The following SNED1 variants were observed in gnomAD, a reference collection of about 807,000 sequenced individuals.
SNED1 encodes the protein sushi, nidogen and EGF like domains 1.
SNED1 carries 81 observed loss-of-function variants against 166.7 expected under a neutral mutation model. The ratio of observed to expected loss-of-function variants is 0.49; its 90% CI spans 0.41 to 0.58. SNED1 has a LOEUF of 0.58. SNED1 is among the 20% of genes least tolerant of loss of function. The probability of loss-of-function intolerance (pLI) is 0.00; values close to 1 mark genes in which losing one functional copy is unlikely to be tolerated. For missense variants in SNED1, 1,604 were observed against 2,000.2 expected, an observed-to-expected ratio of 0.80 and a Z score of 3.78; for synonymous variants, 762 against 822.0, an observed-to-expected ratio of 0.93 and a Z score of 1.25.
chr2:241,044,390 C>A (rs755291039), intron 8 of SNED1, among the ~76,000 whole-genome samples: 38 of 152,298 alleles, frequency 2.5e-4, no homozygotes, highest in Middle Eastern at 6.8e-3. Flanking sequence ...TAAGCACAGT[C>A]TACCCCTGTC....
chr2:241,031,755 C>T (rs569132480), intron 2 of SNED1, among the ~76,000 whole-genome samples: 16 of 152,328 alleles, frequency 1.1e-4, no homozygotes, highest in Admixed American at 2.0e-4. Flanking sequence ...GTTTGTTTTC[C>T]GAGTGTTAGC....
At position 241,091,791 on chromosome 2, in the gene SNED1, G is replaced by A. The variant is rs2064024407; in HGVS notation, c.*155G>A. 1 of 152,484 alleles carries A rather than the reference G, an allele frequency of 6.6e-6. No individual in the cohort carries two copies. The highest frequency in any genetic ancestry group is 6.5e-5 in the Admixed American group (1 of 15,288). The allele number at this position is 152,484 out of a possible 1,614,324, so 9.4% of individuals were successfully genotyped here. A position where few individuals can be genotyped will look rare whatever the true frequency, so the allele number is the denominator to read the frequency against. On this transcript the variant is annotated 3_prime_UTR_variant, in exon 32 of 32. Coordinates refer to ENST00000310397, the MANE Select transcript of SNED1 (RefSeq NM_001080437.3). This position sits in a 1 kb window ranked among gnomAD's most constrained non-coding sequence, Gnocchi z 4.1. ...GACCTCTCTCCTCAGGCCTCTAGAG[G>A]ACAGATGGCCAGGCCTGTGCACACA...
At chr2:241,004,849 A>G (rs1255034602) in intron 1 of SNED1, among the ~76,000 whole-genome samples, 1 of 151,958 alleles carries the variant, frequency 6.6e-6, no homozygotes, top group African/African-American at 2.4e-5. Context: ...AGCCCCCTGA[A>G]TAGCTGGGAT....
At chr2:241,057,875 G>A (rs2062109716) in intron 16 of SNED1, among the ~76,000 whole-genome samples, 1 of 152,114 alleles carries the variant, frequency 6.6e-6, no homozygotes, top group African/African-American at 2.4e-5. Flanking sequence ...GTTAAGAGAA[G>A]GGAGAGTTAT....
Position 240,998,989 on chromosome 2 carries a change from C to A in SNED1, c.152C>A (p.Ser51Ter). The change falls in exon 1 of 32, where the codon TCG becomes TAG. Residue 51 changes from serine (S) to a stop codon, truncating the protein, a stop_gained. Transcript: ENST00000310397. LOFTEE classifies it high-confidence loss of function. ...ACCCCCAAGCAGGACGACGGCGGCT[C>A]GGGGCTGCGGCCGCTCTCGGTGCCC... Reference protein sequence around the residue: ...AVTPKQDDGGSGLRPLSVPFP... With the variant: ...AVTPKQDDGG 1.5e-6 allele frequency: 2 copies of A among 1,326,428 alleles called. No individual in the cohort carries two copies. Among genetic ancestry groups the A allele is most frequent in the African/African-American group, 1.6e-5 (1 of 64,394 alleles). The allele number at this position is 1,326,428 out of a possible 1,614,324, so 82.2% of individuals were successfully genotyped here.
At chr2:241,052,501 T>G in intron 15 of SNED1, 33 bp downstream of exon 15, 1 of 1,456,066 alleles carries the variant, frequency 6.9e-7, no homozygotes, top group South Asian at 1.2e-5. Context: ...GCAGGGTACA[T>G]GGGATACCAG....
intron 24 of SNED1, chr2:241,071,358 A>T: frequency 1.7e-6 from 1 of 603,538 alleles, no homozygotes; most frequent in Non-Finnish European, 3.0e-6. Context: ...ATGGCTGCGC[A>T]TGGCTCCTCC....
intron 17 of SNED1, chr2:241,063,287 C>T: frequency 2.0e-6 from 1 of 501,654 alleles, no homozygotes; most frequent in Non-Finnish European, 3.6e-6. Context: ...ACGCAGGCTC[C>T]AGGGAGGGCA....
At chr2:241,084,070 T>G (rs921149755) in intron 29 of SNED1, among the ~76,000 whole-genome samples, 1 of 152,122 alleles carries the variant, frequency 6.6e-6, no homozygotes, top group Non-Finnish European at 1.5e-5. Context: ...ATACACATCT[T>G]CACCTTAACA....
chr2:241,037,835 G>A (rs960089250), intron 6 of SNED1, among the ~76,000 whole-genome samples: 6 of 152,214 alleles, frequency 3.9e-5, no homozygotes, highest in African/African-American at 1.2e-4. Flanking sequence ...GCTCCTGGAC[G>A]CTGTTTCTCT....
rs996278615 is a variant in SNED1 at position 241,025,927 on chromosome 2, G to GA, written c.214-4347dup. Among the ~76,000 whole-genome samples the GA allele has an allele frequency of 1.4e-3, 170 of 121,524 alleles. 1 individual carries two copies. Among genetic ancestry groups the GA allele is most frequent in the Middle Eastern group, 4.5e-3 (1 of 220 alleles). The allele number at this position is 121,524 out of a possible 152,430, so 79.7% of individuals were successfully genotyped here. Reference sequence around the variant, plus strand: ...AATTTGTGCAGCAGCAATAGAAAAAGAAAAAAAAAATGAAGATTGTCTCCT... The same window carrying GA: ...AATTTGTGCAGCAGCAATAGAAAAAGAAAAAAAAAAATGAAGATTGTCTCCT... On this transcript the variant is annotated intron_variant, in intron 1 of 31. Coordinates refer to ENST00000310397, the MANE Select transcript of SNED1 (RefSeq NM_001080437.3).
chr2:240,998,896 GC>G lies in SNED1; in HGVS notation c.60del (p.Val22CysfsTer51). ...GCCGCGGCCCTGGGGCTTGGGGCGC[GC>G]GGGGTGCGCGGCGCGGTGGCCCTTG... Reference protein sequence around the residue: ...LVAAALGLGARGVRGAVALAD... With the variant: ...LVAAALGLGAXGVRGAVALAD... On this transcript the variant is annotated frameshift_variant, in exon 1 of 32. Coordinates refer to ENST00000310397, the MANE Select transcript of SNED1 (RefSeq NM_001080437.3). LOFTEE classifies it high-confidence loss of function. 8.1e-7 allele frequency: 1 copy of G among 1,227,594 alleles called. No homozygotes were observed. Among genetic ancestry groups the G allele is most frequent in the Non-Finnish European group, 1.0e-6 (1 of 985,012 alleles). The allele number at this position is 1,227,594 out of a possible 1,614,324, so 76.0% of individuals were successfully genotyped here. A position where few individuals can be genotyped will look rare whatever the true frequency, so the allele number is the denominator to read the frequency against.
rs994923676 is a variant in SNED1 at position 241,093,239 on chromosome 2, G to A, written c.*1603G>A. 3 of 152,646 alleles carry A rather than the reference G, an allele frequency of 2.0e-5. No homozygotes were observed. The highest frequency in any genetic ancestry group is 4.4e-5 in the Non-Finnish European group (3 of 68,050). The allele number at this position is 152,646 out of a possible 1,614,324, so 9.5% of individuals were successfully genotyped here. A position where few individuals can be genotyped will look rare whatever the true frequency, so the allele number is the denominator to read the frequency against. On this transcript the variant is annotated 3_prime_UTR_variant, in exon 32 of 32. Coordinates refer to ENST00000310397, the MANE Select transcript of SNED1 (RefSeq NM_001080437.3). Reference sequence around the variant, plus strand: ...AGCGAAGGGTCACTGGGTGAACTGAGAGAAACCACGTTCACAAACGCGTAC... The same window carrying A: ...AGCGAAGGGTCACTGGGTGAACTGAAAGAAACCACGTTCACAAACGCGTAC...
At position 240,999,642 on chromosome 2, in the gene SNED1, C is replaced by T. The variant is rs1466117991; in HGVS notation, c.213+592C>T. On this transcript the variant is annotated intron_variant, in intron 1 of 31. Transcript: ENST00000310397. The surrounding 1 kb of genome is among the most constrained non-coding windows in gnomAD (Gnocchi z 5.8). ...GTCCTCTCCGCAGTCTGGGGGCTGGCCGCTCAGGCTCAGACTCTCCAAACA... is the reference window on the plus strand; with the variant it reads ...GTCCTCTCCGCAGTCTGGGGGCTGGTCGCTCAGGCTCAGACTCTCCAAACA... Among the ~76,000 whole-genome samples, 2 of 152,192 alleles carry T rather than the reference C, an allele frequency of 1.3e-5. No homozygotes were observed. Among genetic ancestry groups the T allele is most frequent in the Non-Finnish European group, 2.9e-5 (2 of 68,008 alleles).
intron 2 of SNED1, among the ~76,000 whole-genome samples, chr2:241,030,779 A>T (rs2061144162): frequency 6.6e-6 from 1 of 152,260 alleles, no homozygotes; most frequent in South Asian, 2.1e-4. Context: ...ACTTGCCTCC[A>T]GGAAACACCA....
At chr2:241,004,313 T>G (rs2060157701) in intron 1 of SNED1, among the ~76,000 whole-genome samples, 1 of 152,198 alleles carries the variant, frequency 6.6e-6, no homozygotes, top group African/African-American at 2.4e-5. Context: ...AAAAAAGAAG[T>G]GTAGTACTGA....
intron 4 of SNED1, among the ~76,000 whole-genome samples, chr2:241,035,249 C>G (rs1412333910): frequency 6.6e-6 from 1 of 152,154 alleles, no homozygotes; most frequent in Non-Finnish European, 1.5e-5. Context: ...AGCGGGCTTG[C>G]TGCTTGGTGG....
chr2:241,047,581 AG>A (rs200731847), intron 8 of SNED1, among the ~76,000 whole-genome samples: 1,529 of 152,318 alleles, frequency 0.01, 31 homozygotes, highest in African/African-American at 0.034. Flanking sequence ...TACATTGAAA[AG>A]GATTGTGTTT....
At position 241,062,781 on chromosome 2, in the gene SNED1, C is replaced by A; in HGVS notation, c.2258-10C>A. 6.3e-7 allele frequency: 1 copy of A among 1,594,708 alleles called. No individual in the cohort carries two copies. The highest frequency in any genetic ancestry group is 8.6e-7 in the Non-Finnish European group (1 of 1,167,184). On this transcript the variant is annotated splice_polypyrimidine_tract_variant and intron_variant, in intron 16 of 31. Transcript: ENST00000310397. ...CCACATTGCTTTATTCTTGGGCTCT[C>A]TCCTCTCAGAAATCGATGAGTGCCG...
Sources: gnomAD v4.1 joint callset for allele counts (sites outside exome capture counted in the v4.1 genomes callset) on GRCh38, gnomAD v4.1.1 for gene constraint, Gnocchi (gnomAD v3.1) non-coding constraint, MANE v1.5 for transcripts, NCBI Gene and HGNC (gene_info 2026-07-23, HGNC 2026-07-21) for gene names.